LPP: variants seen among roughly 807,000 people sequenced by gnomAD.
LPP encodes the protein lipoma-preferred partner.
Under a neutral mutation model 60.4 loss-of-function variants are expected in LPP, and 38 were observed. The ratio of observed to expected loss-of-function variants is 0.63; its 90% confidence interval spans 0.49 to 0.83. LPP has a LOEUF of 0.83. LPP is among the 40% of genes least tolerant of loss of function. The pLI, the probability that LPP is intolerant of heterozygous loss-of-function variation, is 0.00. For missense variants in LPP, 902 were observed against 783.6 expected, an observed-to-expected ratio of 1.15 and a Z score of -1.80; for synonymous variants, 328 against 290.8, an observed-to-expected ratio of 1.13 and a Z score of -1.30.
intron 6 of LPP, among the ~76,000 whole-genome samples, chr3:188,544,956 G>A (rs1579820516): frequency 2.9e-5 from 1 of 34,528 alleles, no homozygotes; most frequent in African/African-American, 1.3e-4. Flanking sequence ...CCTTTGTAGG[G>A]ACATGGATGA....
chr3:188,745,344 G>A (rs913580860), intron 8 of LPP, among the ~76,000 whole-genome samples: 1 of 152,114 alleles, frequency 6.6e-6, no homozygotes, highest in African/African-American at 2.4e-5. Flanking sequence ...AAGTATTAAA[G>A]ATTGATAGGT....
intron 8 of LPP, among the ~76,000 whole-genome samples, chr3:188,723,373 C>T (rs9815874): frequency 0.21 from 32,537 of 152,114 alleles, 4,399 homozygotes; most frequent in Middle Eastern, 0.43. Context: ...AAAATTGTCT[C>T]GTTCTGCCTT....
In LPP at chr3:188,593,489, G is replaced by C. The variant is rs1379120791; in HGVS notation, c.430-15672G>C. On this transcript the variant is annotated intron_variant, in intron 6 of 11. Transcript: ENST00000617246. ...GTTATTGGGGTATAGGTGGTATTTG[G>C]TTACATTAGTAAGTTCTTTAACGGA... 1.1e-4 allele frequency among the ~76,000 whole-genome samples: 17 copies of C among 151,896 alleles called. 1 individual carries two copies. The highest frequency in any genetic ancestry group is 2.7e-4 in the African/African-American group (11 of 41,416).
intron 5 of LPP, among the ~76,000 whole-genome samples, chr3:188,492,490 G>A (rs1808676087): frequency 6.6e-6 from 1 of 152,092 alleles, no homozygotes; most frequent in African/African-American, 2.4e-5. Context: ...AGGTCAAGGA[G>A]TTCGAGACCA....
At chr3:188,290,980 C>G (rs2150040823) in intron 2 of LPP, among the ~76,000 whole-genome samples, 1 of 152,326 alleles carries the variant, frequency 6.6e-6, no homozygotes, top group East Asian at 1.9e-4. Flanking sequence ...CTTCCTTGGA[C>G]TGTTTCTGTA....
At position 188,602,164 on chromosome 3, in the gene LPP, AATATATATATATT is replaced by A. The variant is rs1256953670; in HGVS notation, c.430-6984_430-6972del. 1.4e-3 allele frequency among the ~76,000 whole-genome samples: 141 copies of A among 98,904 alleles called. 9 individuals are homozygous for A. The highest frequency in any genetic ancestry group is 4.9e-3 in the African/African-American group (129 of 26,290). 64.9% of individuals were successfully genotyped at this position (98,904 alleles called of 152,430 possible). A position where few individuals can be genotyped will look rare whatever the true frequency, so the allele number is the denominator to read the frequency against. On this transcript the variant is annotated intron_variant, in intron 6 of 11. Transcript: ENST00000617246. ...TCTCATATATATATAATATATATAT[AATATATATATATT>A]ATATATATATATGACATTCTTAATC...
intron 9 of LPP, among the ~76,000 whole-genome samples, chr3:188,808,975 T>G (rs1482744091): frequency 6.6e-6 from 1 of 152,212 alleles, no homozygotes; most frequent in Non-Finnish European, 1.5e-5. Context: ...GGATGATGGC[T>G]TCCAGCTTCA....
intron 4 of LPP, among the ~76,000 whole-genome samples, chr3:188,458,571 C>T (rs115419487): frequency 0.013 from 1,998 of 152,302 alleles, 36 homozygotes; most frequent in South Asian, 0.044. Flanking sequence ...CCAGCTTCAG[C>T]AATAATTGAC....
At position 188,320,173 on chromosome 3, in the gene LPP, A is replaced by G. The variant is rs192353814; in HGVS notation, c.-66-21490A>G. On this transcript the variant is annotated intron_variant, in intron 2 of 11. Transcript: ENST00000617246. The stretch of plus-strand genomic sequence containing the variant: ...TTGTGATAGTGGCCAGTTTTGTTTT[A>G]TTTTATTTTTTAATAGAAGACCAGT... Among the ~76,000 whole-genome samples the G allele has an allele frequency of 4.7e-3, 713 of 151,946 alleles. 3 individuals are homozygous for G. The highest frequency in any genetic ancestry group is 0.016 in the African/African-American group (653 of 41,290).
chr3:188,856,007 G>A (rs1256849607), intron 9 of LPP, among the ~76,000 whole-genome samples: 1 of 152,178 alleles, frequency 6.6e-6, no homozygotes, highest in East Asian at 1.9e-4. Flanking sequence ...TCTCTATCAA[G>A]GCCTCATGTC....
intron 7 of LPP, among the ~76,000 whole-genome samples, chr3:188,667,374 A>G (rs1211636534): frequency 1.3e-5 from 2 of 151,752 alleles, no homozygotes; most frequent in African/African-American, 4.8e-5. Context: ...GCTACTTGGG[A>G]GGCTGAGGCA....
At chr3:188,814,346 T>G (rs1577726448) in intron 9 of LPP, among the ~76,000 whole-genome samples, 1 of 152,304 alleles carries the variant, frequency 6.6e-6, no homozygotes, top group African/African-American at 2.4e-5. Flanking sequence ...CCAGTCTCCT[T>G]ATATGACACT....
intron 3 of LPP, among the ~76,000 whole-genome samples, chr3:188,377,827 C>G (rs144738990): frequency 0.028 from 4,226 of 152,088 alleles, 202 homozygotes; most frequent in African/African-American, 0.099. Context: ...TTTTTCCCAT[C>G]TTTGTGGTTT....
intron 2 of LPP, among the ~76,000 whole-genome samples, chr3:188,279,356 C>T (rs1741126100): frequency 1.3e-5 from 2 of 152,184 alleles, no homozygotes; most frequent in African/African-American, 2.4e-5. Context: ...CCCTTTAGAC[C>T]CCCCATTGTA....
chr3:188,580,636 A>G (rs1835856365), intron 6 of LPP, among the ~76,000 whole-genome samples: 1 of 152,206 alleles, frequency 6.6e-6, no homozygotes, highest in Non-Finnish European at 1.5e-5. Context: ...TGGTCTACAT[A>G]TTGGTCTTGC....
At chr3:188,538,414 C>G (rs1824226632) in intron 6 of LPP, among the ~76,000 whole-genome samples, 1 of 152,104 alleles carries the variant, frequency 6.6e-6, no homozygotes, top group Admixed American at 6.5e-5. Context: ...TAAGGATATA[C>G]AAGTGGATAA....
At chr3:188,472,526 G>A (rs1347274290) in intron 4 of LPP, 2 of 152,168 alleles carry the variant, frequency 1.3e-5, no homozygotes, top group African/African-American at 2.4e-5. Flanking sequence ...AGTGAGTAAT[G>A]GTTGGCATCA....
In LPP at chr3:188,484,043, C is replaced by T. The variant is rs757636968; in HGVS notation, c.194-549C>T. On this transcript the variant is annotated intron_variant, in intron 4 of 11. Coordinates refer to ENST00000617246, the MANE Select transcript of LPP (RefSeq NM_001375462.1). ...TATGTCATGACTTGCTTTTTATTCT[C>T]TATGCTCTGAACTTTCTGATCGCCA... Among the ~76,000 whole-genome samples the T allele has an allele frequency of 3.4e-4, 51 of 152,030 alleles. 1 individual carries two copies. Among genetic ancestry groups the T allele is most frequent in the Non-Finnish European group, 7.4e-5 (5 of 68,010 alleles).
chr3:188,305,606 TACACACACAC>T (rs891577934), intron 2 of LPP, among the ~76,000 whole-genome samples: 1 of 151,956 alleles, frequency 6.6e-6, no homozygotes, highest in Non-Finnish European at 1.5e-5. Flanking sequence ...AACACACAGA[TACACACACAC>T]ACGCAAAGTG....
Sources: allele counts gnomAD v4.1 joint callset (sites outside exome capture counted in the v4.1 genomes callset), GRCh38; gene constraint gnomAD v4.1.1; transcripts MANE v1.5; gene names NCBI Gene and HGNC (gene_info 2026-07-23, HGNC 2026-07-21).